Variants in NEBL observed in about 807,000 individuals in gnomAD.
NEBL encodes the protein LIM and SH3 protein 2.
NEBL carries 122 observed loss-of-function variants against 140.2 expected under a neutral mutation model. That is an observed-to-expected ratio of 0.87 (90% CI 0.75 to 1.01). The LOEUF (loss-of-function observed/expected upper bound fraction) is 1.01. Among genes scored for constraint, NEBL ranks in the 50% least tolerant of loss-of-function variants. The probability of loss-of-function intolerance (pLI) is 0.00; values close to 1 mark genes in which losing one functional copy is unlikely to be tolerated. For missense variants in NEBL, 1,365 were observed against 1,231.3 expected (o/e 1.11, Z -1.62); for synonymous variants, 436 against 398.9 (o/e 1.09, Z -1.11).
At chr10:21,219,422 ATTAC>A (rs1842038213) in intron 3 of NEBL, among the ~76,000 whole-genome samples, 1 of 152,160 alleles carries the variant, frequency 6.6e-6, no homozygotes, top group Non-Finnish European at 1.5e-5. Context: ...CCTAGACTCT[ATTAC>A]CATTTTTTTC....
chr10:20,906,742 T>C (rs909842373), intron 4 of NEBL, among the ~76,000 whole-genome samples: 11 of 152,102 alleles, frequency 7.2e-5, no homozygotes, highest in African/African-American at 2.7e-4. Context: ...ACAAATATAA[T>C]TCAACAAATT....
At chr10:21,288,872 G>A (rs1166751030) in intron 1 of NEBL, among the ~76,000 whole-genome samples, 17 of 54,234 alleles carry the variant, frequency 3.1e-4, no homozygotes, top group Non-Finnish European at 4.7e-4. Flanking sequence ...TTTTTGAGAC[G>A]GAGTCTTGCT....
At chr10:20,796,427 G>C (rs959850765) in intron 26 of NEBL, among the ~76,000 whole-genome samples, 1 of 139,894 alleles carries the variant, frequency 7.1e-6, no homozygotes, top group Admixed American at 7.2e-5. Context: ...GGACTCTGCA[G>C]TTCCTAAATA....
At chr10:20,922,971 G>T (rs1158344101) in intron 4 of NEBL, among the ~76,000 whole-genome samples, 1 of 152,198 alleles carries the variant, frequency 6.6e-6, no homozygotes, top group Non-Finnish European at 1.5e-5. Flanking sequence ...TTTCCTTCCA[G>T]TACCTGGTAG....
chr10:20,854,012 A>G (rs1842803855), intron 9 of NEBL, among the ~76,000 whole-genome samples: 2 of 152,224 alleles, frequency 1.3e-5, no homozygotes, highest in East Asian at 1.9e-4. Flanking sequence ...ATAAATATAT[A>G]CAACCATTAT....
chr10:21,223,463 T>C (rs1842101359), intron 3 of NEBL, among the ~76,000 whole-genome samples: 1 of 152,234 alleles, frequency 6.6e-6, no homozygotes, highest in African/African-American at 2.4e-5. Flanking sequence ...ATGGACACTT[T>C]GGTTGCTTCC....
At chr10:21,105,947 G>C (rs1837697151) in intron 2 of NEBL, among the ~76,000 whole-genome samples, 1 of 152,106 alleles carries the variant, frequency 6.6e-6, no homozygotes, top group African/African-American at 2.4e-5. Flanking sequence ...GTGATGATGA[G>C]CATTTTTTCA....
chr10:21,034,331 CAAG>C (rs1833929987), intron 2 of NEBL, among the ~76,000 whole-genome samples: 1 of 151,784 alleles, frequency 6.6e-6, no homozygotes, highest in South Asian at 2.1e-4. Flanking sequence ...ATAAAAATAA[CAAG>C]AACAACCACT....
At chr10:21,108,148 T>A (rs1255439758) in intron 2 of NEBL, among the ~76,000 whole-genome samples, 1 of 152,202 alleles carries the variant, frequency 6.6e-6, no homozygotes, top group African/African-American at 2.4e-5. Context: ...GGGGTTTTTA[T>A]GTCTCTATCT....
In NEBL at chr10:21,007,781, T is replaced by C. The variant is rs140623559; in HGVS notation, c.249+12336A>G. Among the ~76,000 whole-genome samples, 50 of 152,352 alleles carry C rather than the reference T, an allele frequency of 3.3e-4. No individual in the cohort carries two copies. The East Asian group carries it at 8.7e-3, about 26-fold the overall frequency. On this transcript the variant is annotated intron_variant, in intron 3 of 6. Transcript: ENST00000417816. ...TCTTGAATTACATCTGTGCTTGTTA[T>C]ATAGTAGAATGAGTGATCTATCCTC...
At chr10:21,253,540 CT>C (rs71509095) in intron 1 of NEBL, among the ~76,000 whole-genome samples, 43,703 of 110,604 alleles carry the variant, frequency 0.4, 7,512 homozygotes, top group African/African-American at 0.52. Flanking sequence ...TTTTAAACCT[CT>C]TTTTTTTTTT....
intron 2 of NEBL, among the ~76,000 whole-genome samples, chr10:21,040,400 T>C (rs369447763): frequency 6.6e-6 from 1 of 152,118 alleles, no homozygotes; most frequent in African/African-American, 2.4e-5. Context: ...ACAGGGTGCA[T>C]GGCACCAGCA....
At chr10:21,281,574 C>T (rs1842994859) in intron 1 of NEBL, among the ~76,000 whole-genome samples, 1 of 151,922 alleles carries the variant, frequency 6.6e-6, no homozygotes, top group Non-Finnish European at 1.5e-5. Context: ...CCGCACAGCC[C>T]CTCCCCAAAC....
intron 9 of NEBL, among the ~76,000 whole-genome samples, chr10:20,854,862 G>A (rs999757133): frequency 5.9e-5 from 9 of 152,104 alleles, no homozygotes; most frequent in African/African-American, 2.2e-4. Context: ...ACTGCACCTA[G>A]CCCACAGAGT....
chr10:20,812,849 G>A lies in NEBL; in HGVS notation c.2438C>T (p.Thr813Ile). The change falls in exon 24 of 28, where the codon ACC becomes ATC. Residue 813 changes from threonine to isoleucine, a missense_variant. Thr to Ile is a moderately conservative substitution (Grantham distance 89). Coordinates refer to ENST00000377122, the MANE Select transcript of NEBL (RefSeq NM_006393.3). ...ATAGGCAGCATCGCTGACCACCTGG[G>A]TGTTCTTCCTCACTCTCTCTGTCAC... Reference protein sequence around the residue: ...DPVTERVRKNTQVVSDAAYKG... With the variant: ...DPVTERVRKNIQVVSDAAYKG... The A allele has an allele frequency of 6.2e-7, 1 of 1,613,974 alleles. No homozygotes were observed. Among genetic ancestry groups the A allele is most frequent in the Non-Finnish European group, 8.5e-7 (1 of 1,179,906 alleles).
intron 3 of NEBL, among the ~76,000 whole-genome samples, chr10:21,183,529 G>A (rs1038093503): frequency 2.6e-5 from 4 of 152,108 alleles, no homozygotes; most frequent in African/African-American, 7.2e-5. Flanking sequence ...CAAAAACCAA[G>A]AGTCTGGAAA....
chr10:21,033,740 C>T lies in NEBL; in HGVS notation c.165-13539G>A, dbSNP rs1331906680. On this transcript the variant is annotated intron_variant, in intron 2 of 6. Transcript: ENST00000417816. The stretch of plus-strand genomic sequence containing the variant: ...GGCAACAAGAGCGAGACTTTGTCTC[C>T]GAAAAAAAAAAAAAAAGAAAGAAAA... Among the ~76,000 whole-genome samples, 12 of 61,902 alleles carry T rather than the reference C, an allele frequency of 1.9e-4. No individual in the cohort carries two copies. In the East Asian group the frequency reaches 5.3e-3, roughly 28 times the overall value. 40.6% of individuals were successfully genotyped at this position (61,902 alleles called of 152,430 possible). A position where few individuals can be genotyped will look rare whatever the true frequency, so the allele number is the denominator to read the frequency against.
chr10:20,843,795 C>T (rs1442084278), intron 12 of NEBL, among the ~76,000 whole-genome samples: 1 of 151,952 alleles, frequency 6.6e-6, no homozygotes, highest in Non-Finnish European at 1.5e-5. Flanking sequence ...TTAGCATATC[C>T]ATCACCTCAA....
intron 7 of NEBL, among the ~76,000 whole-genome samples, chr10:20,861,928 C>A (rs1843739148): frequency 6.6e-6 from 1 of 152,180 alleles, no homozygotes; most frequent in South Asian, 2.1e-4. Context: ...ACCTACCAAA[C>A]ATCACAGCTT....
Sources: allele counts gnomAD v4.1 joint callset (sites outside exome capture counted in the v4.1 genomes callset), GRCh38; gene constraint gnomAD v4.1.1; transcripts MANE v1.5; gene names NCBI Gene and HGNC (gene_info 2026-07-23, HGNC 2026-07-21).